Variants in NSD2 observed in about 807,000 individuals in gnomAD.
NSD2 encodes nuclear receptor binding SET domain protein 2.
Under a neutral mutation model 139.0 loss-of-function variants are expected in NSD2, and 12 were observed. The ratio of observed to expected loss-of-function variants is 0.09; its 90% CI spans 0.06 to 0.14. The LOEUF (loss-of-function observed/expected upper bound fraction) is 0.14. NSD2 is among the 10% of genes least tolerant of loss of function. NSD2 has a pLI of 1.00. For missense variants in NSD2, 1,155 were observed against 1,745.0 expected (o/e 0.66, Z 6.02); for synonymous variants, 669 against 648.7 (o/e 1.03, Z -0.48).
chr4:1,892,500 T>TA (rs1327411845), intron 1 of NSD2, among the ~76,000 whole-genome samples: 2 of 152,188 alleles, frequency 1.3e-5, no homozygotes, highest in Non-Finnish European at 2.9e-5. Context: ...GCACTTATTT[T>TA]AAAAAACAGC....
At chr4:1,924,388 T>C (rs1720573021) in intron 5 of NSD2, among the ~76,000 whole-genome samples, 1 of 152,060 alleles carries the variant, frequency 6.6e-6, no homozygotes, top group African/African-American at 2.4e-5. Context: ...TCAGCCACTC[T>C]GGTATGTTGC....
chr4:1,966,971 C>A (rs1480053182), intron 18 of NSD2, among the ~76,000 whole-genome samples: 3 of 151,904 alleles, frequency 2.0e-5, no homozygotes, highest in Admixed American at 1.3e-4. Context: ...TGGAGAAAAT[C>A]AATGAAACCA....
Position 1,980,687 on chromosome 4 carries a change from A to G in NSD2, c.*1778A>G, listed in dbSNP as rs962396173. Reference sequence around the variant, plus strand: ...CTGGCTGGTGGCTGTCCCTTCTCCCATCAGGGTCCCCAGCAAAGTTAACTA... The same window carrying G: ...CTGGCTGGTGGCTGTCCCTTCTCCCGTCAGGGTCCCCAGCAAAGTTAACTA... On this transcript the variant is annotated 3_prime_UTR_variant, in exon 22 of 22. Transcript: ENST00000508803. The G allele has an allele frequency of 2.6e-5, 6 of 232,886 alleles. No individual in the cohort carries two copies. The highest frequency in any genetic ancestry group is 5.1e-5 in the Non-Finnish European group (6 of 117,962). The allele number at this position is 232,886 out of a possible 1,614,324, so 14.4% of individuals were successfully genotyped here. A position where few individuals can be genotyped will look rare whatever the true frequency, so the allele number is the denominator to read the frequency against.
chr4:1,911,596 A>G (rs938160995), intron 3 of NSD2, among the ~76,000 whole-genome samples: 7 of 142,124 alleles, frequency 4.9e-5, no homozygotes, highest in East Asian at 3.9e-4. Context: ...TCAAAAAAAA[A>G]AAAAAAAAAA....
chr4:1,906,654 C>CTTTTTTTTTTTT (rs537619996), intron 3 of NSD2, among the ~76,000 whole-genome samples: 1 of 99,910 alleles, frequency 1.0e-5, no homozygotes, highest in Non-Finnish European at 1.9e-5. Context: ...CTCTCTCTCT[C>CTTTTTTTTTTTT]TTTTTTTTTT....
In NSD2 at chr4:1,947,419, A is replaced by T. The variant is rs559862816; in HGVS notation, c.1882-3653A>T. On this transcript the variant is annotated intron_variant, in intron 9 of 21. Transcript: ENST00000508803. ...CTGTGGTGTGCAGTGGTGCTCTGGG[A>T]GTGGAGACTTCCTCTGTTCTCAGAG... 8.5e-6 allele frequency: 9 copies of T among 1,059,774 alleles called. No individual in the cohort carries two copies. In the African/African-American group the frequency reaches 1.5e-4, roughly 17 times the overall value. The allele number at this position is 1,059,774 out of a possible 1,614,324, so 65.6% of individuals were successfully genotyped here. A position where few individuals can be genotyped will look rare whatever the true frequency, so the allele number is the denominator to read the frequency against.
rs947284101 is a variant in NSD2 at position 1,961,253 on chromosome 4, G to T, written c.3372+102G>T. ...TTGCCCTGTGGCAGCGCCAGCATTT[G>T]TCTCCTTAGCTGCTTATTTTCAAAC... On this transcript the variant is annotated intron_variant, in intron 18 of 21. Coordinates refer to ENST00000508803, the MANE Select transcript of NSD2 (RefSeq NM_001042424.3). 6 of 903,742 alleles carry T rather than the reference G, an allele frequency of 6.6e-6. No homozygotes were observed. The African/African-American group carries it at 8.2e-5, about 12-fold the overall frequency. 56.0% of individuals were successfully genotyped at this position (903,742 alleles called of 1,614,324 possible).
chr4:1,932,842 T>C (rs1291051597), intron 6 of NSD2, among the ~76,000 whole-genome samples: 3 of 152,198 alleles, frequency 2.0e-5, no homozygotes, highest in Non-Finnish European at 4.4e-5. Flanking sequence ...GGAGAGGTGC[T>C]CAGGAGGTGC....
At chr4:1,937,025 C>A (rs1722480042) in intron 7 of NSD2, among the ~76,000 whole-genome samples, 1 of 151,892 alleles carries the variant, frequency 6.6e-6, no homozygotes, top group African/African-American at 2.4e-5. Flanking sequence ...TACCAGGAAG[C>A]CTGCACTTAA....
chr4:1,930,786 T>C lies in NSD2; in HGVS notation c.1555+16T>C. The C allele has an allele frequency of 6.2e-7, 1 of 1,609,868 alleles. No individual in the cohort carries two copies. The highest frequency in any genetic ancestry group is 1.3e-5 in the African/African-American group (1 of 74,878). On this transcript the variant is annotated intron_variant, in intron 6 of 21. Coordinates refer to ENST00000508803, the MANE Select transcript of NSD2 (RefSeq NM_001042424.3). ...GAAGACTCTGGTAAACATAGCATTA[T>C]GCTGATGTCCTCTGCTTGGGTTGAT...
rs375260041 is a variant in NSD2, at chr4:1,955,894, A to G, written c.2675+45A>G. The G allele has an allele frequency of 4.3e-6, 7 of 1,610,362 alleles. No individual in the cohort carries two copies. The African/African-American group carries it at 8.0e-5, about 18-fold the overall frequency. On this transcript the variant is annotated intron_variant, in intron 14 of 21. Transcript: ENST00000508803. This position sits in a 1 kb window ranked among gnomAD's most constrained non-coding sequence, Gnocchi z 4.7. ...ATGCTTTTATGTCTTTTCTGTTCAC[A>G]TGTGTTCGCTTTACAGTACTTAAAG...
At chr4:1,876,388 C>T (rs1714256473) in intron 1 of NSD2, among the ~76,000 whole-genome samples, 1 of 152,050 alleles carries the variant, frequency 6.6e-6, no homozygotes, top group Admixed American at 6.6e-5. Context: ...GTGATGGCCT[C>T]AGCTCAAAAA....
At chr4:1,965,512 T>C (rs1318644142) in intron 18 of NSD2, among the ~76,000 whole-genome samples, 1 of 151,958 alleles carries the variant, frequency 6.6e-6, no homozygotes, top group Admixed American at 6.6e-5. Context: ...AATATAAACA[T>C]CTAAAGAAGC....
At position 1,939,901 on chromosome 4, in the gene NSD2, A is replaced by G; in HGVS notation, c.1881+123A>G. The G allele has an allele frequency of 8.3e-6, 13 of 1,560,498 alleles. No individual in the cohort carries two copies. In the South Asian group the frequency reaches 1.3e-4, roughly 15 times the overall value. On this transcript the variant is annotated intron_variant, in intron 9 of 21. Transcript: ENST00000508803. ...GCATTGGTGCTCACTGCCAGTGCAG[A>G]TGTTTTAGGGCCTCTTGGCTAACTC...
At chr4:1,963,739 C>G (rs758468007) in intron 18 of NSD2, among the ~76,000 whole-genome samples, 2 of 152,184 alleles carry the variant, frequency 1.3e-5, no homozygotes, top group Non-Finnish European at 2.9e-5. Context: ...ACAAGCTGGG[C>G]ACAGTGGCCC....
chr4:1,903,161 G>A (rs1019661799), intron 2 of NSD2, among the ~76,000 whole-genome samples: 1 of 152,176 alleles, frequency 6.6e-6, no homozygotes, highest in African/African-American at 2.4e-5. Context: ...GTTTTGGGCC[G>A]GCCTCTTCAG....
At chr4:1,943,158 G>A in intron 9 of NSD2, 4 of 1,043,506 alleles carry the variant, frequency 3.8e-6, no homozygotes, top group Non-Finnish European at 4.6e-6. Context: ...TCCTGCCCCA[G>A]GTGTCCGCAT....
intron 1 of NSD2, among the ~76,000 whole-genome samples, chr4:1,874,121 A>T (rs566695931): frequency 6.6e-6 from 1 of 152,182 alleles, no homozygotes; most frequent in Non-Finnish European, 1.5e-5. Flanking sequence ...CTTTTTACTC[A>T]TATATTCTGA....
intron 11 of NSD2, chr4:1,952,619 G>A: frequency 1.2e-6 from 1 of 811,862 alleles, no homozygotes; most frequent in African/African-American, 1.8e-5. Context: ...ACCGAACACT[G>A]AAGTCCATAG....
Sources: gnomAD v4.1 joint callset for allele counts (sites outside exome capture counted in the v4.1 genomes callset) on GRCh38, gnomAD v4.1.1 for gene constraint, Gnocchi (gnomAD v3.1) non-coding constraint, MANE v1.5 for transcripts, NCBI Gene and HGNC (gene_info 2026-07-23, HGNC 2026-07-21) for gene names.